The following FSTL5 variants were observed in gnomAD, a reference collection of about 807,000 sequenced individuals.
The protein encoded by FSTL5 is follistatin-related protein 5.
FSTL5 carries 62 observed loss-of-function variants against 89.1 expected under a neutral mutation model. That is an observed-to-expected ratio of 0.70 (90% CI 0.57 to 0.86). The LOEUF is 0.86. Ranked by LOEUF, FSTL5 falls within the 40% of genes least tolerant of loss-of-function variation. The pLI, the probability that FSTL5 is intolerant of heterozygous loss-of-function variation, is 0.00. For missense variants in FSTL5, 1,057 were observed against 1,001.6 expected (o/e 1.06, Z -0.75); for synonymous variants, 383 against 346.2 (o/e 1.11, Z -1.18).
chr4:161,903,411 T>A (rs1161846763), intron 4 of FSTL5, among the ~76,000 whole-genome samples: 3 of 152,108 alleles, frequency 2.0e-5, no homozygotes, highest in African/African-American at 7.2e-5. Context: ...ACTTTTTTCA[T>A]TTATTTCTTC....
At chr4:161,736,831 G>A (rs1017227933) in intron 6 of FSTL5, among the ~76,000 whole-genome samples, 1 of 152,072 alleles carries the variant, frequency 6.6e-6, no homozygotes, top group Non-Finnish European at 1.5e-5. Flanking sequence ...TCTATCTAGG[G>A]TGTGTGGGTG....
intron 7 of FSTL5, among the ~76,000 whole-genome samples, chr4:161,632,341 C>T (rs1312049481): frequency 2.0e-5 from 3 of 152,154 alleles, no homozygotes; most frequent in East Asian, 1.9e-4. Context: ...GATCACGCCA[C>T]TGTGTTCGAG....
intron 4 of FSTL5, among the ~76,000 whole-genome samples, chr4:161,844,404 A>G (rs1031206661): frequency 2.4e-4 from 37 of 152,096 alleles, no homozygotes; most frequent in African/African-American, 6.0e-4. Flanking sequence ...AACCAGAAAT[A>G]CCATTTGACC....
rs1187981004 is a variant in FSTL5, at chr4:161,452,643, T to A, written c.1841+2361A>T. ...TAATTTTTACTTCTCGCATTCACGGTAGTAAAATGAGTAATTACTTTGAAC... is the reference window on the plus strand; with the variant it reads ...TAATTTTTACTTCTCGCATTCACGGAAGTAAAATGAGTAATTACTTTGAAC... On this transcript the variant is annotated intron_variant, in intron 15 of 15. Coordinates refer to ENST00000306100, the MANE Select transcript of FSTL5 (RefSeq NM_020116.5). 8.4e-3 allele frequency among the ~76,000 whole-genome samples: 1,275 copies of A among 152,320 alleles called. 16 individuals are homozygous for A. Among genetic ancestry groups the A allele is most frequent in the African/African-American group, 0.03 (1,231 of 41,562 alleles).
chr4:161,573,348 T>C (rs1362258203), intron 8 of FSTL5, among the ~76,000 whole-genome samples: 1 of 148,554 alleles, frequency 6.7e-6, no homozygotes, highest in Non-Finnish European at 1.5e-5. Flanking sequence ...AAGTGGAGCT[T>C]GCAGTGAGCC....
intron 6 of FSTL5, among the ~76,000 whole-genome samples, chr4:161,752,405 A>G (rs1366476145): frequency 6.6e-6 from 1 of 152,184 alleles, no homozygotes; most frequent in Non-Finnish European, 1.5e-5. Context: ...ATCTAAATAT[A>G]TTCATACTTG....
intron 1 of FSTL5, among the ~76,000 whole-genome samples, chr4:162,140,740 C>G (rs1346912456): frequency 6.6e-6 from 1 of 152,038 alleles, no homozygotes; most frequent in African/African-American, 2.4e-5. Context: ...CTGACTTGTT[C>G]AAAGGTAACA....
intron 10 of FSTL5, among the ~76,000 whole-genome samples, chr4:161,516,503 T>TTA (rs201105482): frequency 6.3e-4 from 92 of 145,698 alleles, no homozygotes; most frequent in Non-Finnish European, 3.9e-4. Flanking sequence ...ATGTAATTTA[T>TTA]TATATATATA....
chr4:161,869,896 T>C (rs969732992), intron 4 of FSTL5, among the ~76,000 whole-genome samples: 2 of 152,210 alleles, frequency 1.3e-5, no homozygotes, highest in Non-Finnish European at 2.9e-5. Flanking sequence ...AAATTTCTCC[T>C]TGTCTTCAGC....
chr4:162,125,445 T>C (rs1330402144), intron 1 of FSTL5, among the ~76,000 whole-genome samples: 1 of 152,168 alleles, frequency 6.6e-6, no homozygotes, highest in Non-Finnish European at 1.5e-5. Flanking sequence ...ACTATGGTTC[T>C]TGAAAAGTTT....
chr4:162,032,730 C>G (rs182870645), intron 3 of FSTL5: 1 of 152,060 alleles, frequency 6.6e-6, no homozygotes, highest in Non-Finnish European at 1.5e-5. Context: ...GTGTAACTAC[C>G]CTTTCAGCAT....
intron 8 of FSTL5, among the ~76,000 whole-genome samples, chr4:161,569,223 C>T (rs982857281): frequency 6.6e-6 from 1 of 152,126 alleles, no homozygotes; most frequent in African/African-American, 2.4e-5. Context: ...ATGTTCCCTC[C>T]TTGGCCTCCC....
chr4:161,576,103 A>C (rs571365183), intron 8 of FSTL5, among the ~76,000 whole-genome samples: 97 of 152,298 alleles, frequency 6.4e-4, no homozygotes, highest in African/African-American at 2.3e-3. Flanking sequence ...CTAGGAATAC[A>C]ACATACAAGG....
At chr4:161,641,491 GT>G (rs1346385736) in intron 7 of FSTL5, among the ~76,000 whole-genome samples, 4 of 149,358 alleles carry the variant, frequency 2.7e-5, no homozygotes, top group African/African-American at 7.4e-5. Context: ...AAATTAGAGG[GT>G]TTTTTTGTTT....
At chr4:162,159,816 A>G (rs1733625144) in intron 1 of FSTL5, among the ~76,000 whole-genome samples, 1 of 151,952 alleles carries the variant, frequency 6.6e-6, no homozygotes. Flanking sequence ...TTTGTTTTTT[A>G]TTCCTGGCAA....
At chr4:162,068,175 G>T (rs551226413) in intron 2 of FSTL5, among the ~76,000 whole-genome samples, 1 of 151,898 alleles carries the variant, frequency 6.6e-6, no homozygotes, top group Admixed American at 6.6e-5. Flanking sequence ...TTCCATTGAC[G>T]TTCTTCACAG....
intron 6 of FSTL5, among the ~76,000 whole-genome samples, chr4:161,664,352 A>T (rs1736815326): frequency 6.6e-6 from 1 of 152,144 alleles, no homozygotes; most frequent in South Asian, 2.1e-4. Context: ...TCACCTTTTG[A>T]ATGTTTTGCT....
chr4:161,907,203 GTTA>G (rs1481202057), intron 4 of FSTL5, among the ~76,000 whole-genome samples: 2 of 152,146 alleles, frequency 1.3e-5, no homozygotes, highest in Admixed American at 1.3e-4. Flanking sequence ...AAATGCCATA[GTTA>G]TTATTCGGAA....
intron 8 of FSTL5, among the ~76,000 whole-genome samples, chr4:161,545,433 T>G (rs1731969926): frequency 9.7e-6 from 1 of 103,496 alleles, no homozygotes; most frequent in South Asian, 4.1e-4. Flanking sequence ...TAATTCAGTG[T>G]GTATTTCTTT....
Sources: allele counts gnomAD v4.1 joint callset (sites outside exome capture counted in the v4.1 genomes callset), GRCh38; gene constraint gnomAD v4.1.1; transcripts MANE v1.5; gene names NCBI Gene and HGNC (gene_info 2026-07-23, HGNC 2026-07-21).